The following LRFN2 variants were observed in gnomAD, a reference collection of about 807,000 sequenced individuals.
LRFN2 encodes leucine rich repeat and fibronectin type III domain containing 2, also known as leucine-rich repeat and fibronectin type-III domain-containing protein 2.
LRFN2 carries 18 observed loss-of-function variants against 37.3 expected under a neutral mutation model. That is an observed-to-expected ratio of 0.48 (90% CI 0.33 to 0.72). The LOEUF is 0.72. LRFN2 is among the 30% of genes least tolerant of loss of function. LRFN2 has a pLI of 0.02. For missense variants in LRFN2, 1,006 were observed against 1,060.7 expected (o/e 0.95, Z 0.72); for synonymous variants, 556 against 466.6 (o/e 1.19, Z -2.47).
intron 1 of LRFN2, among the ~76,000 whole-genome samples, chr6:40,491,708 C>T (rs1306103212): frequency 1.7e-4 from 24 of 143,662 alleles, no homozygotes; most frequent in East Asian, 1.1e-3. Context: ...GTTTCCCTCA[C>T]TCTATTTTGC....
chr6:40,470,394 G>A (rs564189106), intron 1 of LRFN2, among the ~76,000 whole-genome samples: 6 of 152,304 alleles, frequency 3.9e-5, no homozygotes, highest in Admixed American at 6.5e-5. Context: ...AGCAGATCAC[G>A]AGGTCAGGAG....
chr6:40,397,123 T>G (rs1762632815), intron 2 of LRFN2, among the ~76,000 whole-genome samples: 1 of 152,192 alleles, frequency 6.6e-6, no homozygotes, highest in South Asian at 2.1e-4. Flanking sequence ...CCACGTGAAA[T>G]GGGCACTCTA....
chr6:40,534,228 G>T (rs749472656), intron 1 of LRFN2, among the ~76,000 whole-genome samples: 1 of 152,162 alleles, frequency 6.6e-6, no homozygotes, highest in Non-Finnish European at 1.5e-5. Flanking sequence ...CTTCTGCTAG[G>T]TCTCCATCCT....
At chr6:40,436,490 T>G (rs1400627223) in intron 1 of LRFN2, among the ~76,000 whole-genome samples, 1 of 138,900 alleles carries the variant, frequency 7.2e-6, no homozygotes, top group Non-Finnish European at 1.5e-5. Flanking sequence ...CTATAGGATA[T>G]GTGTTTTTTT....
intron 1 of LRFN2, among the ~76,000 whole-genome samples, chr6:40,511,661 C>T (rs1401540081): frequency 1.3e-5 from 2 of 152,082 alleles, no homozygotes; most frequent in East Asian, 1.9e-4. Flanking sequence ...TTCCAGGAAG[C>T]ATGTGGGCCA....
At position 40,432,028 on chromosome 6, in the gene LRFN2, G is replaced by A; in HGVS notation, c.1086C>T (p.Ala362=). Residue 362 remains alanine, a synonymous_variant, in exon 2 of 3, where the codon GCC becomes GCT. Coordinates refer to ENST00000338305, the MANE Select transcript of LRFN2 (RefSeq NM_020737.3). ...TGGCCGTGGCCTCTCCGGCAGCATT[G>A]GCAGCAATGCAGGTGAAGGCACCAC... The part of the protein sequence containing the change: ...QDSGAFTCIA[A]NAAGEATAMV... The A allele has an allele frequency of 1.2e-6, 2 of 1,613,970 alleles. No individual in the cohort carries two copies. The highest frequency in any genetic ancestry group is 4.5e-5 in the East Asian group (2 of 44,880).
chr6:40,472,112 G>T (rs1458543909), intron 1 of LRFN2, among the ~76,000 whole-genome samples: 1 of 152,198 alleles, frequency 6.6e-6, no homozygotes, highest in Non-Finnish European at 1.5e-5. Flanking sequence ...CAATCAGGTT[G>T]TACTTATAGG....
intron 2 of LRFN2, among the ~76,000 whole-genome samples, chr6:40,395,837 G>A (rs893494514): frequency 6.6e-6 from 1 of 152,114 alleles, no homozygotes; most frequent in African/African-American, 2.4e-5. Flanking sequence ...TCTGAATCAC[G>A]GCATTCCACC....
intron 2 of LRFN2, among the ~76,000 whole-genome samples, chr6:40,394,883 C>T (rs1351504512): frequency 2.6e-5 from 4 of 151,990 alleles, no homozygotes; most frequent in African/African-American, 7.3e-5. Flanking sequence ...ATGTGCCTTT[C>T]ACCTTTTGCC....
At chr6:40,438,684 C>G (rs543015221) in intron 1 of LRFN2, among the ~76,000 whole-genome samples, 7 of 152,192 alleles carry the variant, frequency 4.6e-5, no homozygotes, top group African/African-American at 1.7e-4. Context: ...TGGTGGTGAA[C>G]CAGCTGTTTG....
chr6:40,442,822 A>G (rs116143547), intron 1 of LRFN2, among the ~76,000 whole-genome samples: 1 of 152,076 alleles, frequency 6.6e-6, no homozygotes, highest in African/African-American at 2.4e-5. Context: ...GTCTCCCTGA[A>G]CACCCCTCCT....
rs1300866870 is a variant in LRFN2, at chr6:40,392,161, C to T, written c.2152G>A (p.Ala718Thr). ...SLLPLPLEGK[A>T]KRSHSFDMGD... is the part of the protein sequence containing the mutation. The stretch of plus-strand genomic sequence containing the variant: ...ATGTCGAAGGAGTGGCTGCGTTTGG[C>T]CTTGCCCTCCAACGGCAAGGGGAGC... Residue 718 changes from alanine to threonine, a missense_variant, in exon 3 of 3, where the codon GCC (alanine) becomes ACC (threonine). By Grantham distance (58) the Ala-to-Thr change is moderately conservative. Transcript: ENST00000338305. The surrounding 1 kb of genome is among the most constrained non-coding windows in gnomAD (Gnocchi z 4.7). 1 of 1,603,604 alleles carries T rather than the reference C, an allele frequency of 6.2e-7. No individual in the cohort carries two copies. Among genetic ancestry groups the T allele is most frequent in the East Asian group, 2.2e-5 (1 of 44,618 alleles).
chr6:40,403,923 C>T (rs1331714268), intron 2 of LRFN2, among the ~76,000 whole-genome samples: 1 of 152,196 alleles, frequency 6.6e-6, no homozygotes, highest in African/African-American at 2.4e-5. Context: ...ACTCCCCATT[C>T]TTACTCTACA....
At chr6:40,563,064 A>C (rs1238922148) in intron 1 of LRFN2, among the ~76,000 whole-genome samples, 1 of 152,082 alleles carries the variant, frequency 6.6e-6, no homozygotes, top group African/African-American at 2.4e-5. Context: ...ACTGCCCATT[A>C]GCTGGTTTTC....
intron 1 of LRFN2, among the ~76,000 whole-genome samples, chr6:40,537,579 G>A (rs991583722): frequency 6.6e-6 from 1 of 152,152 alleles, no homozygotes; most frequent in Non-Finnish European, 1.5e-5. Flanking sequence ...TGACCACTCT[G>A]ACCCTTGTCT....
At chr6:40,540,921 G>C (rs527489110) in intron 1 of LRFN2, among the ~76,000 whole-genome samples, 29 of 152,292 alleles carry the variant, frequency 1.9e-4, no homozygotes, top group African/African-American at 6.7e-4. Flanking sequence ...TCTATCAGAG[G>C]CTGCAGGAGG....
intron 2 of LRFN2, among the ~76,000 whole-genome samples, chr6:40,422,529 G>A (rs80173346): frequency 0.038 from 5,714 of 151,574 alleles, 366 homozygotes; most frequent in African/African-American, 0.13. Context: ...CCCTGGACTC[G>A]GGGTCAGAAT....
At chr6:40,460,945 A>C (rs1764334320) in intron 1 of LRFN2, among the ~76,000 whole-genome samples, 1 of 152,218 alleles carries the variant, frequency 6.6e-6, no homozygotes, top group Admixed American at 6.5e-5. Context: ...CGGAACAACT[A>C]GGGGAGAGGG....
At chr6:40,491,742 A>C (rs1765102549) in intron 1 of LRFN2, among the ~76,000 whole-genome samples, 2 of 108,950 alleles carry the variant, frequency 1.8e-5, no homozygotes, top group Non-Finnish European at 3.7e-5. Context: ...GTAGGTAGGC[A>C]GCTTACCCTC....
Sources: allele counts gnomAD v4.1 joint callset (sites outside exome capture counted in the v4.1 genomes callset), GRCh38; gene constraint gnomAD v4.1.1; non-coding constraint Gnocchi (gnomAD v3.1); transcripts MANE v1.5; gene names NCBI Gene and HGNC (gene_info 2026-07-23, HGNC 2026-07-21).